Variants in CC2D2B observed in about 807,000 individuals in gnomAD.
The protein encoded by CC2D2B is coiled-coil and C2 domain containing 2B.
CC2D2B carries 128 observed loss-of-function variants against 161.2 expected under a neutral mutation model. The observed-to-expected ratio is 0.79, with a 90% CI of 0.69 to 0.92. The LOEUF is 0.92. Among genes scored for constraint, CC2D2B ranks in the 40% least tolerant of loss-of-function variants. CC2D2B has a pLI of 0.00. For missense variants in CC2D2B, 1,173 were observed against 1,375.1 expected (o/e 0.85, Z 2.32); for synonymous variants, 391 against 449.8 (o/e 0.87, Z 1.65).
chr10:96,012,013 G>A (rs2079013844), intron 26 of CC2D2B, among the ~76,000 whole-genome samples, 172 bp from the exon 27 acceptor site: 1 of 152,078 alleles, frequency 6.6e-6, no homozygotes, highest in African/African-American at 2.4e-5. Flanking sequence ...GGGTGCCTAT[G>A]AACACATCAC....
chr10:95,976,885 A>G (rs1328014726), intron 17 of CC2D2B, among the ~76,000 whole-genome samples: 3 of 152,156 alleles, frequency 2.0e-5, no homozygotes, highest in African/African-American at 7.2e-5. Context: ...AGTAGCTGGG[A>G]TTACAGGCAT....
chr10:96,020,922 C>T (rs943183723), intron 32 of CC2D2B: 1 of 152,120 alleles, frequency 6.6e-6, no homozygotes, highest in Non-Finnish European at 1.5e-5. Context: ...AAGTGTAGTC[C>T]CAGCTACTCA....
At chr10:95,928,530 G>A (rs2141208746) in intron 6 of CC2D2B, among the ~76,000 whole-genome samples, 1 of 152,216 alleles carries the variant, frequency 6.6e-6, no homozygotes, top group East Asian at 1.9e-4. Flanking sequence ...ATCTACATTA[G>A]GTATTCTCCT....
At chr10:95,950,207 G>C in intron 10 of CC2D2B, 102 bp downstream of exon 10, 1 of 396,524 alleles carries the variant, frequency 2.5e-6, no homozygotes, top group Admixed American at 4.4e-5. Flanking sequence ...TATTTAAGTA[G>C]AACAATGGTT....
chr10:96,028,996 G>A (rs143937819), intron 34 of CC2D2B, among the ~76,000 whole-genome samples: 20 of 151,990 alleles, frequency 1.3e-4, no homozygotes, highest in African/African-American at 4.8e-4. Flanking sequence ...GAGTTCAGAG[G>A]GAGGTGGGGA....
chr10:95,991,478 A>G lies in CC2D2B; in HGVS notation c.2471+17A>G. 1 of 733,904 alleles carries G rather than the reference A, an allele frequency of 1.4e-6. No individual in the cohort carries two copies. Among genetic ancestry groups the G allele is most frequent in the East Asian group, 3.4e-5 (1 of 29,042 alleles). The allele number at this position is 733,904 out of a possible 1,614,324, so 45.5% of individuals were successfully genotyped here. A position where few individuals can be genotyped will look rare whatever the true frequency, so the allele number is the denominator to read the frequency against. ...ATCTACAAGGTAATTGCTAAAAACT[A>G]TTAAGTATGAAATATAAACCTTTAA... is the stretch of plus-strand genomic sequence containing the variant. On this transcript the variant is annotated intron_variant, in intron 21 of 34. Coordinates refer to ENST00000646931, the MANE Select transcript of CC2D2B (RefSeq NM_001349008.3).
chr10:95,994,877 T>C (rs2078170009), intron 22 of CC2D2B, among the ~76,000 whole-genome samples: 1 of 152,248 alleles, frequency 6.6e-6, no homozygotes, highest in Admixed American at 6.5e-5. Context: ...ACTATTCTTA[T>C]TTTAACTATT....
At chr10:95,996,083 T>C in intron 23 of CC2D2B, 60 bp from the exon 24 acceptor site, 1 of 708,708 alleles carries the variant, frequency 1.4e-6, no homozygotes, top group South Asian at 2.8e-5. Flanking sequence ...CCTAGGCCTC[T>C]ACCTTTATCG....
chr10:95,984,925 C>T (rs1044500937), intron 19 of CC2D2B, among the ~76,000 whole-genome samples: 2 of 151,730 alleles, frequency 1.3e-5, no homozygotes, highest in African/African-American at 4.8e-5. Context: ...ATATATATTT[C>T]TACTTTTCTA....
chr10:95,950,209 A>AC (rs2076352696), intron 10 of CC2D2B, 104 bp downstream of exon 10: 1 of 396,350 alleles, frequency 2.5e-6, no homozygotes, highest in South Asian at 1.4e-4. Flanking sequence ...TTTAAGTAGA[A>AC]CAATGGTTCA....
At chr10:95,990,418 C>T (rs1478061469) in intron 20 of CC2D2B, among the ~76,000 whole-genome samples, 1 of 151,974 alleles carries the variant, frequency 6.6e-6, no homozygotes, top group African/African-American at 2.4e-5. Context: ...TGGAACCCAG[C>T]GTAGAAAACT....
intron 22 of CC2D2B, among the ~76,000 whole-genome samples, chr10:95,993,954 A>G (rs60931337): frequency 0.012 from 157 of 13,388 alleles, no homozygotes; most frequent in Admixed American, 0.041. Flanking sequence ...ATGTATGTGT[A>G]TATATATATA....
chr10:95,907,882 C>G (rs1456607348), upstream of CC2D2B: 3 of 152,302 alleles, frequency 2.0e-5, no homozygotes, highest in African/African-American at 7.2e-5. Flanking sequence ...CCTCTGGGTC[C>G]TGGCAGGCCA....
At chr10:95,981,115 A>G (rs549422686) in intron 17 of CC2D2B, among the ~76,000 whole-genome samples, 1 of 152,056 alleles carries the variant, frequency 6.6e-6, no homozygotes, top group Admixed American at 6.6e-5. Flanking sequence ...ATCTCATGGC[A>G]GGGCACAGTG....
At chr10:96,020,765 G>C (rs997079572) in intron 32 of CC2D2B, 8 of 152,336 alleles carry the variant, frequency 5.3e-5, no homozygotes, top group African/African-American at 1.4e-4. Flanking sequence ...GGACATGGTG[G>C]CTTATGCCTG....
At chr10:95,928,217 T>C (rs1448214605) in intron 6 of CC2D2B, among the ~76,000 whole-genome samples, 1 of 128,092 alleles carries the variant, frequency 7.8e-6, no homozygotes, top group African/African-American at 3.1e-5. Context: ...TTGTTATTGT[T>C]GTTTTTTGCA....
At chr10:95,999,066 A>G (rs1372679656) in intron 24 of CC2D2B, among the ~76,000 whole-genome samples, 2 of 152,128 alleles carry the variant, frequency 1.3e-5, no homozygotes, top group East Asian at 3.9e-4. Flanking sequence ...GGGCGACAGA[A>G]GGAGACTCCG....
chr10:95,934,541 G>T (rs1043435123), intron 6 of CC2D2B, among the ~76,000 whole-genome samples: 21 of 152,156 alleles, frequency 1.4e-4, no homozygotes, highest in African/African-American at 3.4e-4. Context: ...CCCTGGTGAC[G>T]TAGGCCCCCA....
At chr10:96,010,855 T>C (rs2078958140) in intron 26 of CC2D2B, among the ~76,000 whole-genome samples, 1 of 152,212 alleles carries the variant, frequency 6.6e-6, no homozygotes, top group South Asian at 2.1e-4. Context: ...CATGGGTTTC[T>C]TCCTGCCTAT....
Sources: gnomAD v4.1 joint callset for allele counts (sites outside exome capture counted in the v4.1 genomes callset) on GRCh38, gnomAD v4.1.1 for gene constraint, MANE v1.5 for transcripts, NCBI Gene and HGNC (gene_info 2026-07-23, HGNC 2026-07-21) for gene names.